The following PAWR variants were observed in gnomAD, a reference collection of about 807,000 sequenced individuals.
The protein encoded by PAWR is pro-apoptotic WT1 regulator.
Under a neutral mutation model 32.0 loss-of-function variants are expected in PAWR, and 23 were observed. That is an observed-to-expected ratio of 0.72 (90% CI 0.52 to 1.02). The LOEUF (loss-of-function observed/expected upper bound fraction) is 1.02. PAWR is among the 50% of genes least tolerant of loss of function. The pLI, the probability that PAWR is intolerant of heterozygous loss-of-function variation, is 0.00. For missense variants in PAWR, 457 were observed against 437.7 expected (o/e 1.04, Z -0.39); for synonymous variants, 226 against 187.1 (o/e 1.21, Z -1.70).
chr12:79,682,340 C>T (rs1878486785), intron 2 of PAWR, among the ~76,000 whole-genome samples: 1 of 152,090 alleles, frequency 6.6e-6, no homozygotes, highest in Admixed American at 6.6e-5. Flanking sequence ...TATGAAGAGC[C>T]TGAAAACAAA....
At position 79,689,910 on chromosome 12, in the gene PAWR, G is replaced by A; in HGVS notation, c.335C>T (p.Pro112Leu). 2.7e-6 allele frequency: 4 copies of A among 1,467,952 alleles called. No homozygotes were observed. The highest frequency in any genetic ancestry group is 1.4e-5 in the South Asian group (1 of 73,216). 90.9% of individuals were successfully genotyped at this position (1,467,952 alleles called of 1,614,324 possible). ...APGPRRSEDE[P>L]PAASASAAPP... Reference sequence around the variant, plus strand: ...TGCAGCCGAGGCAGAGGCGGCTGGGGGCTCGTCCTCCGACCGCCGCGGGCC... The same window carrying A: ...TGCAGCCGAGGCAGAGGCGGCTGGGAGCTCGTCCTCCGACCGCCGCGGGCC... The change falls in exon 2 of 7, where the codon CCC (proline) becomes CTC (leucine). Residue 112 changes from proline (P) to leucine (L), a missense_variant. By Grantham distance (98) the Pro-to-Leu change is moderately conservative (BLOSUM62 -3). Coordinates refer to ENST00000328827, the MANE Select transcript of PAWR (RefSeq NM_002583.4).
rs1873466010 is a variant in PAWR, at chr12:79,588,913, G to T, written c.*3694C>A. The T allele has an allele frequency of 6.6e-6, 1 of 151,894 alleles. No individual in the cohort carries two copies. The highest frequency in any genetic ancestry group is 1.5e-5 in the Non-Finnish European group (1 of 67,848). 9.4% of individuals were successfully genotyped at this position (151,894 alleles called of 1,614,324 possible). A position where few individuals can be genotyped will look rare whatever the true frequency, so the allele number is the denominator to read the frequency against. On this transcript the variant is annotated 3_prime_UTR_variant, in exon 7 of 7. Coordinates refer to ENST00000328827, the MANE Select transcript of PAWR (RefSeq NM_002583.4). ...CAGGAGAAACTTAGCATGGGGGGAG[G>T]TGCCTTAGTTGATGTGCCTGATAAG...
intron 2 of PAWR, among the ~76,000 whole-genome samples, chr12:79,639,881 T>TTCCCATTCCATTCC (rs1876215099): frequency 2.7e-5 from 3 of 112,502 alleles, no homozygotes; most frequent in African/African-American, 1.5e-4. Flanking sequence ...TTCCTATTCC[T>TTCCCATTCCATTCC]ATTCCATTCC....
intron 4 of PAWR, among the ~76,000 whole-genome samples, chr12:79,602,098 T>C (rs1375696737): frequency 6.6e-6 from 1 of 152,224 alleles, no homozygotes; most frequent in Non-Finnish European, 1.5e-5. Context: ...AATTATAGTA[T>C]TGTGCAACAT....
intron 6 of PAWR, among the ~76,000 whole-genome samples, chr12:79,593,299 G>A (rs1207408154): frequency 6.6e-6 from 1 of 152,082 alleles, no homozygotes; most frequent in Non-Finnish European, 1.5e-5. Context: ...ACTTTTCTAC[G>A]ACATTTTGAA....
At chr12:79,604,446 G>A in intron 4 of PAWR, 1 of 1,056,456 alleles carries the variant, frequency 9.5e-7, no homozygotes, top group East Asian at 9.3e-5. Flanking sequence ...GAGATTGGCA[G>A]CATTAAGAGA....
intron 3 of PAWR, among the ~76,000 whole-genome samples, chr12:79,614,211 T>C (rs1224759423): frequency 6.6e-6 from 1 of 150,610 alleles, no homozygotes; most frequent in Non-Finnish European, 1.5e-5. Context: ...GGTTTCTCCA[T>C]GTTGGTCAGA....
intron 5 of PAWR, among the ~76,000 whole-genome samples, chr12:79,594,727 G>GTGTA (rs1873684104): frequency 1.3e-5 from 2 of 150,134 alleles, no homozygotes; most frequent in South Asian, 4.2e-4. Context: ...GTGTGTGTGT[G>GTGTA]TATGTATGTA....
chr12:79,593,208 TGAGGC>T (rs1282861151), intron 6 of PAWR, among the ~76,000 whole-genome samples: 2 of 152,168 alleles, frequency 1.3e-5, no homozygotes, highest in Non-Finnish European at 2.9e-5. Context: ...GTGACAAAAC[TGAGGC>T]CTACGGAAAA....
chr12:79,629,848 T>C (rs1875522617), intron 2 of PAWR, among the ~76,000 whole-genome samples: 1 of 151,950 alleles, frequency 6.6e-6, no homozygotes, highest in Non-Finnish European at 1.5e-5. Flanking sequence ...ACCTGAAAAA[T>C]CTGCTAAATA....
At chr12:79,668,629 C>A (rs773627783) in intron 2 of PAWR, among the ~76,000 whole-genome samples, 1 of 152,156 alleles carries the variant, frequency 6.6e-6, no homozygotes, top group African/African-American at 2.4e-5. Context: ...CCCTCACATG[C>A]GCAGTTCAAA....
At chr12:79,638,896 ATTTTTTTTTTTTTTTTTTTTTT>A (rs60375837) in intron 2 of PAWR, among the ~76,000 whole-genome samples, 5 of 10,012 alleles carry the variant, frequency 5.0e-4, no homozygotes, top group Admixed American at 2.1e-3. Context: ...ATATATATAT[ATTTTTTTTTTTTTTTTTTTTTT>A]TTTTTTTTTT....
intron 4 of PAWR, chr12:79,597,831 CA>C (rs1295443928): frequency 2.0e-5 from 3 of 152,178 alleles, no homozygotes; most frequent in Non-Finnish European, 2.9e-5. Context: ...ATTCTTATCT[CA>C]AAGTTTCCGT....
In PAWR at chr12:79,593,666, T is replaced by A. The variant is rs1027928455; in HGVS notation, c.936+663A>T. On this transcript the variant is annotated intron_variant, in intron 6 of 6. Transcript: ENST00000328827. ...CAGAGAGAGACTCCTTCTCAAAAAA[T>A]AATAATAATAATAATAAAGAGTACC... Among the ~76,000 whole-genome samples the A allele has an allele frequency of 6.9e-4, 99 of 144,072 alleles. 1 individual carries two copies. Among genetic ancestry groups the A allele is most frequent in the East Asian group, 3.3e-3 (15 of 4,586 alleles). The allele number at this position is 144,072 out of a possible 152,430, so 94.5% of individuals were successfully genotyped here.
intron 2 of PAWR, among the ~76,000 whole-genome samples, chr12:79,651,404 T>C (rs141355286): frequency 3.3e-5 from 5 of 152,258 alleles, no homozygotes; most frequent in African/African-American, 1.2e-4. Context: ...GGTGCATAAT[T>C]TGCATTTGAA....
In PAWR at chr12:79,588,861, C is replaced by G. The variant is rs1016524259; in HGVS notation, c.*3746G>C. On this transcript the variant is annotated 3_prime_UTR_variant, in exon 7 of 7. Transcript: ENST00000328827. ...GGAGATATTAGTTCAAGTTTTTAAA[C>G]TGGGAAACAATCAACTTCCATATAT... 1 of 151,920 alleles carries G rather than the reference C, an allele frequency of 6.6e-6. No homozygotes were observed. Among genetic ancestry groups the G allele is most frequent in the Admixed American group, 6.6e-5 (1 of 15,250 alleles). The allele number at this position is 151,920 out of a possible 1,614,324, so 9.4% of individuals were successfully genotyped here. A position where few individuals can be genotyped will look rare whatever the true frequency, so the allele number is the denominator to read the frequency against.
chr12:79,601,372 T>C (rs745884819), intron 4 of PAWR, among the ~76,000 whole-genome samples: 2 of 151,928 alleles, frequency 1.3e-5, no homozygotes, highest in Non-Finnish European at 2.9e-5. Context: ...TGCCCGCTAA[T>C]TTATCTTAAT....
At position 79,604,984 on chromosome 12, in the gene PAWR, G is replaced by A. The variant is rs567421721; in HGVS notation, c.684-8326C>T. Reference sequence around the variant, plus strand: ...TATGAAAAATATATATCTCCTCCCAGAAAAATAAACATTATCTTCTTTTAC... The same window carrying A: ...TATGAAAAATATATATCTCCTCCCAAAAAAATAAACATTATCTTCTTTTAC... On this transcript the variant is annotated intron_variant, in intron 4 of 6. Coordinates refer to ENST00000328827, the MANE Select transcript of PAWR (RefSeq NM_002583.4). 5.5e-4 allele frequency among the ~76,000 whole-genome samples: 83 copies of A among 151,976 alleles called. 1 individual carries two copies. The South Asian group carries it at 7.3e-3, about 13-fold the overall frequency.
At chr12:79,658,973 A>T (rs1178668246) in intron 2 of PAWR, among the ~76,000 whole-genome samples, 23 of 137,316 alleles carry the variant, frequency 1.7e-4, no homozygotes, top group Admixed American at 1.5e-3. Flanking sequence ...TTAGCACACT[A>T]AAAAAAAAAA....
Sources: allele counts gnomAD v4.1 joint callset (sites outside exome capture counted in the v4.1 genomes callset), GRCh38; gene constraint gnomAD v4.1.1; transcripts MANE v1.5; gene names NCBI Gene and HGNC (gene_info 2026-07-23, HGNC 2026-07-21).